The following SGCD variants were observed in gnomAD, a reference collection of about 807,000 sequenced individuals.
SGCD encodes sarcoglycan delta.
In SGCD, 18 loss-of-function variants were observed where a neutral mutation model predicts 36.6. That is an observed-to-expected ratio of 0.49 (90% CI 0.34 to 0.73). The LOEUF is 0.73. Among genes scored for constraint, SGCD ranks in the 30% least tolerant of loss-of-function variants. The pLI is 0.01. For synonymous variants in SGCD, 133 were observed against 130.6 expected, an observed-to-expected ratio of 1.02 and a Z score of -0.12; for missense variants, 387 against 346.7, an observed-to-expected ratio of 1.12 and a Z score of -0.92.
At chr5:156,381,550 C>G (rs1264824400) in intron 3 of SGCD, among the ~76,000 whole-genome samples, 3 of 151,444 alleles carry the variant, frequency 2.0e-5, no homozygotes, top group Non-Finnish European at 4.4e-5. Context: ...CTTTGTTCTA[C>G]TAGGTAAATG....
intron 1 of SGCD, among the ~76,000 whole-genome samples, chr5:155,986,872 C>T (rs1758342579): frequency 6.6e-6 from 1 of 152,122 alleles, no homozygotes; most frequent in Non-Finnish European, 1.5e-5. Flanking sequence ...ATTTAAAACG[C>T]CCTGCACTAG....
chr5:156,461,957 A>G (rs1754505899), intron 3 of SGCD, among the ~76,000 whole-genome samples: 1 of 152,202 alleles, frequency 6.6e-6, no homozygotes. Flanking sequence ...CATAGTTCTT[A>G]CAAATATTAG....
At position 156,707,068 on chromosome 5, in the gene SGCD, A is replaced by G. The variant is rs187752648; in HGVS notation, c.576-50513A>G. ...AAAAACACAACCACTTTTATATCAA[A>G]ATATTATTCTATCACAGATGCATAC... On this transcript the variant is annotated intron_variant, in intron 7 of 8. Transcript: ENST00000337851. Among the ~76,000 whole-genome samples the G allele has an allele frequency of 1.2e-3, 184 of 152,322 alleles. 1 individual carries two copies. The highest frequency in any genetic ancestry group is 3.9e-3 in the African/African-American group (163 of 41,578).
intron 1 of SGCD, among the ~76,000 whole-genome samples, chr5:155,881,319 T>TAAATAAAG (rs1397036512): frequency 6.6e-6 from 1 of 150,488 alleles, no homozygotes; most frequent in Non-Finnish European, 1.5e-5. Flanking sequence ...AATAAATAAA[T>TAAATAAAG]AAATAAAGAA....
rs1031309747 is a variant in SGCD at position 155,974,217 on chromosome 5, C to G, written c.-282+103793C>G. 3.7e-4 allele frequency among the ~76,000 whole-genome samples: 57 copies of G among 152,098 alleles called. 1 individual carries two copies. Among genetic ancestry groups the G allele is most frequent in the African/African-American group, 1.4e-3 (56 of 41,406 alleles). ...AGAGAAAAATCATGAAATTTTAGAG[C>G]TGAGTGACTTTTGGGCTCACGTGCA... On this transcript the variant is annotated intron_variant, in intron 1 of 9. Transcript: ENST00000517913.
intron 3 of SGCD, among the ~76,000 whole-genome samples, chr5:156,383,779 G>A (rs1301242284): frequency 1.3e-5 from 2 of 152,162 alleles, no homozygotes; most frequent in African/African-American, 2.4e-5. Flanking sequence ...GTCTGAAACA[G>A]CTGCTTCATT....
intron 3 of SGCD, among the ~76,000 whole-genome samples, chr5:156,452,261 C>G (rs1754053362): frequency 6.6e-6 from 1 of 152,102 alleles, no homozygotes; most frequent in Non-Finnish European, 1.5e-5. Context: ...AGCTCATGGA[C>G]CTTGTAGTTT....
chr5:156,266,971 A>C (rs1000996920), intron 3 of SGCD, among the ~76,000 whole-genome samples: 3 of 152,186 alleles, frequency 2.0e-5, no homozygotes, highest in African/African-American at 7.2e-5. Context: ...TTCTTACTGT[A>C]AGATATCAGA....
At chr5:155,875,977 T>C (rs1331963122) in intron 1 of SGCD, among the ~76,000 whole-genome samples, 1 of 152,026 alleles carries the variant, frequency 6.6e-6, no homozygotes, top group Non-Finnish European at 1.5e-5. Flanking sequence ...TCATCTCCAC[T>C]GTACCCTTAG....
At chr5:156,393,670 C>A in intron 3 of SGCD, 1 of 451,772 alleles carries the variant, frequency 2.2e-6, no homozygotes, top group Middle Eastern at 3.3e-4. Context: ...GCAAGCACTA[C>A]AAATTAAGAT....
At chr5:156,449,816 C>T (rs1257301571) in intron 3 of SGCD, among the ~76,000 whole-genome samples, 1 of 141,458 alleles carries the variant, frequency 7.1e-6, no homozygotes, top group African/African-American at 2.6e-5. Flanking sequence ...TGCGCCACTG[C>T]ACTCCAGCCT....
At chr5:156,055,016 C>A (rs1362284587) in intron 1 of SGCD, among the ~76,000 whole-genome samples, 1 of 146,240 alleles carries the variant, frequency 6.8e-6, no homozygotes, top group African/African-American at 2.5e-5. Flanking sequence ...CACCCTGTCC[C>A]TGTTGTGTGT....
At chr5:156,311,314 A>G (rs1038487448) in intron 3 of SGCD, among the ~76,000 whole-genome samples, 2 of 152,156 alleles carry the variant, frequency 1.3e-5, no homozygotes, top group African/African-American at 4.8e-5. Flanking sequence ...CAATGTCACC[A>G]TGAGATAGTG....
At chr5:155,738,794 A>C in the SGCD span, among the ~76,000 whole-genome samples, 1 of 147,980 alleles carries the variant, frequency 6.8e-6, no homozygotes, top group Non-Finnish European at 1.5e-5. Context: ...GTGAGTGTGC[A>C]TGTAGTGTGT....
chr5:155,790,363 C>G, the SGCD span, among the ~76,000 whole-genome samples: 1 of 151,988 alleles, frequency 6.6e-6, no homozygotes, highest in Non-Finnish European at 1.5e-5. Context: ...ATGTGGAAAA[C>G]TTAAACTTCC....
the SGCD span, among the ~76,000 whole-genome samples, chr5:155,853,642 T>C: frequency 6.6e-6 from 1 of 152,240 alleles, no homozygotes; most frequent in African/African-American, 2.4e-5. Flanking sequence ...CTGTGTTCTA[T>C]AAACCAAGTA....
intron 3 of SGCD, among the ~76,000 whole-genome samples, chr5:156,148,978 C>T (rs946110288): frequency 2.0e-5 from 3 of 152,134 alleles, no homozygotes; most frequent in Admixed American, 6.5e-5. Flanking sequence ...GAAGCCAAGG[C>T]GGGGGTCTGA....
At chr5:155,799,432 CA>C in the SGCD span, among the ~76,000 whole-genome samples, 2 of 149,412 alleles carry the variant, frequency 1.3e-5, no homozygotes, top group East Asian at 3.9e-4. Flanking sequence ...CTTGCTCTGT[CA>C]CCCAGGGTCG....
At chr5:156,044,545 A>G (rs574812494) in intron 1 of SGCD, among the ~76,000 whole-genome samples, 1 of 152,282 alleles carries the variant, frequency 6.6e-6, no homozygotes, top group Admixed American at 6.5e-5. Context: ...CAGGCAGAGT[A>G]TCTGTTAGTA....
Sources: allele counts gnomAD v4.1 joint callset (sites outside exome capture counted in the v4.1 genomes callset), GRCh38; gene constraint gnomAD v4.1.1; transcripts MANE v1.5; gene names NCBI Gene and HGNC (gene_info 2026-07-23, HGNC 2026-07-21).